The following CSMD1 variants were observed in gnomAD, a reference collection of about 807,000 sequenced individuals.
CSMD1 encodes the protein CUB and sushi domain-containing protein 1.
Under a neutral mutation model 417.5 loss-of-function variants are expected in CSMD1, and 213 were observed. The ratio of observed to expected loss-of-function variants is 0.51; its 90% CI spans 0.46 to 0.57. The LOEUF is 0.57. Ranked by LOEUF, CSMD1 falls within the 20% of genes least tolerant of loss-of-function variation. The pLI is 0.00. For missense variants in CSMD1, 6,923 were observed against 4,529.7 expected (o/e 1.53, Z -15.17); for synonymous variants, 2,862 against 1,736.8 (o/e 1.65, Z -16.11).
At chr8:4,882,788 A>G (rs1803494685) in intron 1 of CSMD1, among the ~76,000 whole-genome samples, 1 of 151,980 alleles carries the variant, frequency 6.6e-6, no homozygotes, top group Admixed American at 6.6e-5. Context: ...TACACTGAAC[A>G]CTTCCTCCTT....
chr8:3,788,229 T>G (rs57862151), intron 5 of CSMD1, among the ~76,000 whole-genome samples: 164 of 152,354 alleles, frequency 1.1e-3, no homozygotes, highest in Admixed American at 0.011. Context: ...TTAACAGGCA[T>G]AGACCTGCAT....
Position 3,043,130 on chromosome 8 carries a change from CATAT to C in CSMD1, c.7660+9328_7660+9331del, listed in dbSNP as rs201964245. ...TCACTATGGTGATATATATATAGTA[CATAT>C]ATATAGTGATATACATATAGCGATA... On this transcript the variant is annotated intron_variant, in intron 50 of 69. Transcript: ENST00000635120. 7.7e-3 allele frequency among the ~76,000 whole-genome samples: 1,000 copies of C among 129,908 alleles called. 18 individuals carry two copies. Among genetic ancestry groups the C allele is most frequent in the African/African-American group, 0.03 (945 of 31,226 alleles). 85.2% of individuals were successfully genotyped at this position (129,908 alleles called of 152,430 possible).
intron 49 of CSMD1, among the ~76,000 whole-genome samples, chr8:3,061,836 C>T (rs1812607768): frequency 2.0e-5 from 3 of 152,124 alleles, no homozygotes; most frequent in African/African-American, 7.2e-5. Context: ...AAGATAGACT[C>T]TATTTTTTTT....
At chr8:3,616,134 A>G (rs1265206425) in intron 8 of CSMD1, among the ~76,000 whole-genome samples, 2 of 152,180 alleles carry the variant, frequency 1.3e-5, no homozygotes, top group African/African-American at 4.8e-5. Flanking sequence ...AAAGAATTGG[A>G]ATATGACATT....
chr8:4,412,585 C>A (rs1796709269), intron 3 of CSMD1, among the ~76,000 whole-genome samples: 2 of 151,702 alleles, frequency 1.3e-5, no homozygotes, highest in East Asian at 3.9e-4. Context: ...ACTAATACAG[C>A]CTCACAAGTG....
intron 1 of CSMD1, among the ~76,000 whole-genome samples, chr8:4,741,052 T>C (rs1374922519): frequency 6.6e-6 from 1 of 151,744 alleles, no homozygotes; most frequent in African/African-American, 2.4e-5. Flanking sequence ...ATCAATTTTC[T>C]TCTTAATCCT....
In CSMD1 at chr8:3,354,266, C is replaced by T. The variant is rs557467062; in HGVS notation, c.3304+4886G>A. ...AACCTCGAGCCTATACAATGCCTCACATTTAACAGAGATGTTTCTTAACAT... is the reference window on the plus strand; with the variant it reads ...AACCTCGAGCCTATACAATGCCTCATATTTAACAGAGATGTTTCTTAACAT... On this transcript the variant is annotated intron_variant, in intron 21 of 69. Coordinates refer to ENST00000635120, the MANE Select transcript of CSMD1 (RefSeq NM_033225.6). 1.2e-4 allele frequency among the ~76,000 whole-genome samples: 19 copies of T among 152,238 alleles called. No homozygotes were observed. The East Asian group carries it at 3.7e-3, about 29-fold the overall frequency.
At chr8:3,272,824 A>C (rs1241394876) in intron 26 of CSMD1, among the ~76,000 whole-genome samples, 1 of 150,234 alleles carries the variant, frequency 6.7e-6, no homozygotes, top group Non-Finnish European at 1.5e-5. Context: ...GCTTAAGGAG[A>C]TTTTGGGCTG....
chr8:3,542,686 A>G (rs780393702), intron 10 of CSMD1, among the ~76,000 whole-genome samples: 9 of 152,196 alleles, frequency 5.9e-5, no homozygotes, highest in Non-Finnish European at 1.0e-4. Context: ...TCTTGCTCAA[A>G]TGTCTCAAGA....
intron 3 of CSMD1, among the ~76,000 whole-genome samples, chr8:4,371,559 G>A (rs373974760): frequency 6.6e-6 from 1 of 152,024 alleles, no homozygotes; most frequent in Admixed American, 6.6e-5. Context: ...TTAAAGCAAT[G>A]TATTATTTTT....
intron 26 of CSMD1, among the ~76,000 whole-genome samples, chr8:3,266,158 C>G (rs1801414545): frequency 6.6e-6 from 1 of 150,924 alleles, no homozygotes; most frequent in South Asian, 2.1e-4. Context: ...GACCAACCCT[C>G]CAGGACACCT....
chr8:4,356,321 A>T (rs1229685537), intron 3 of CSMD1, among the ~76,000 whole-genome samples: 1 of 116,812 alleles, frequency 8.6e-6, no homozygotes, highest in African/African-American at 3.3e-5. Context: ...AGTATTCATC[A>T]TATGTAATAC....
chr8:3,402,487 G>C (rs1056513108), intron 15 of CSMD1, among the ~76,000 whole-genome samples: 2 of 152,116 alleles, frequency 1.3e-5, no homozygotes, highest in African/African-American at 4.8e-5. Context: ...GTTAGAAGCA[G>C]AAGAAAGAGA....
intron 3 of CSMD1, among the ~76,000 whole-genome samples, chr8:4,364,418 T>C (rs1461496434): frequency 2.0e-5 from 3 of 152,192 alleles, no homozygotes; most frequent in Non-Finnish European, 2.9e-5. Context: ...CCCTAGTCCA[T>C]ACAAGATTCA....
At chr8:4,141,854 A>G (rs1803811315) in intron 3 of CSMD1, among the ~76,000 whole-genome samples, 1 of 151,140 alleles carries the variant, frequency 6.6e-6, no homozygotes, top group South Asian at 2.1e-4. Context: ...TAACAGTACC[A>G]TTTAGATATT....
chr8:3,376,416 T>G (rs1810305257), intron 18 of CSMD1, among the ~76,000 whole-genome samples: 1 of 151,960 alleles, frequency 6.6e-6, no homozygotes, highest in Non-Finnish European at 1.5e-5. Flanking sequence ...AGCTTTCTAT[T>G]AATAAATTTT....
At chr8:4,738,759 A>G (rs114848464) in intron 1 of CSMD1, among the ~76,000 whole-genome samples, 1,673 of 152,312 alleles carry the variant, frequency 0.011, 31 homozygotes, top group African/African-American at 0.038. Flanking sequence ...GCATTTCTGA[A>G]TACAGGATTA....
intron 1 of CSMD1, among the ~76,000 whole-genome samples, chr8:4,920,059 G>C (rs762192359): frequency 6.6e-5 from 10 of 152,186 alleles, no homozygotes; most frequent in Non-Finnish European, 1.2e-4. Flanking sequence ...AGCTAAGACA[G>C]TAGAGGAAAA....
At chr8:3,978,946 G>A (rs1041004218) in intron 5 of CSMD1, among the ~76,000 whole-genome samples, 3 of 152,158 alleles carry the variant, frequency 2.0e-5, no homozygotes, top group East Asian at 1.9e-4. Flanking sequence ...GCCAGCCACA[G>A]GTTCCACTGT....
Sources: gnomAD v4.1 joint callset for allele counts (sites outside exome capture counted in the v4.1 genomes callset) on GRCh38, gnomAD v4.1.1 for gene constraint, MANE v1.5 for transcripts, NCBI Gene and HGNC (gene_info 2026-07-23, HGNC 2026-07-21) for gene names.